Variants in EDA observed in about 807,000 individuals in gnomAD.
The protein encoded by EDA is ectodysplasin-A.
In EDA, 2 loss-of-function variants were observed where a neutral mutation model predicts 23.6. That is an observed-to-expected ratio of 0.08 (90% confidence interval 0.03 to 0.27). EDA has a LOEUF of 0.27. EDA is among the 10% of genes least tolerant of loss of function. The probability of loss-of-function intolerance (pLI) is 1.00; values close to 1 mark genes in which losing one functional copy is unlikely to be tolerated. For synonymous variants in EDA, 131 were observed against 132.0 expected (o/e 0.99, Z 0.05); for missense variants, 229 against 324.2 (o/e 0.71, Z 2.26).
At chrX:69,909,871 T>C (rs2018232947) in intron 1 of EDA, among the ~76,000 whole-genome samples, 1 of 112,160 alleles carries the variant, frequency 8.9e-6, no homozygotes, top group African/African-American at 3.2e-5. Context: ...TAAATGACTA[T>C]GGATTTATCT....
In EDA at chrX:69,616,364, A is replaced by C. The variant is rs752730106; in HGVS notation, c.56A>C (p.Glu19Ala). 38 of 1,206,268 alleles carry C rather than the reference A, an allele frequency of 3.2e-5. No homozygotes were observed. The highest frequency in any genetic ancestry group is 4.0e-5 in the Non-Finnish European group (36 of 894,455). The part of the protein sequence containing the change: ...RELLPAAAPR[E>A]RGSQGCGCGG... ...CTCCTGCCTGCAGCAGCGCCGCGGG[A>C]GCGAGGGAGCCAGGGCTGCGGGTGT... The change falls in exon 1 of 8, where the codon GAG (glutamate) becomes GCG (alanine). Residue 19 changes from glutamate to alanine, a missense_variant. Transcript: ENST00000374552.
intron 1 of EDA, among the ~76,000 whole-genome samples, chrX:69,831,938 C>A (rs1362741345): frequency 2.7e-5 from 3 of 111,176 alleles, no homozygotes; most frequent in Non-Finnish European, 1.9e-5. Context: ...TGGATATTAG[C>A]CCTTTGTCAG....
chrX:69,835,023 A>G (rs1256538074), intron 1 of EDA, among the ~76,000 whole-genome samples: 3 of 77,349 alleles, frequency 3.9e-5, no homozygotes, highest in Non-Finnish European at 8.9e-5. Context: ...CTTTTCTTTA[A>G]GAATGTTAAA....
intron 1 of EDA, among the ~76,000 whole-genome samples, chrX:69,786,124 G>A (rs1352253276): frequency 9.1e-6 from 1 of 109,671 alleles, no homozygotes; most frequent in Admixed American, 9.7e-5. Context: ...GTATTTCTGT[G>A]GGATCAGTGG....
intron 1 of EDA, among the ~76,000 whole-genome samples, chrX:69,784,329 C>T (rs11094127): frequency 1.9e-5 from 2 of 102,718 alleles, no homozygotes; most frequent in African/African-American, 3.6e-5. Context: ...TCTTTTGTTG[C>T]CATTGCTTTT....
chrX:69,987,294 A>G (rs2019510579), intron 2 of EDA, among the ~76,000 whole-genome samples: 1 of 105,166 alleles, frequency 9.5e-6, no homozygotes, highest in Non-Finnish European at 1.9e-5. Context: ...AAAATTAAAA[A>G]AAAAAATTTT....
intron 1 of EDA, among the ~76,000 whole-genome samples, chrX:69,890,069 C>T (rs952577944): frequency 2.7e-5 from 3 of 111,475 alleles, no homozygotes; most frequent in African/African-American, 9.8e-5. Flanking sequence ...GCCTTGACAT[C>T]CTCCTTCTTT....
intron 1 of EDA, among the ~76,000 whole-genome samples, chrX:69,865,462 G>T (rs779078242): frequency 5.4e-5 from 6 of 111,242 alleles, no homozygotes; most frequent in African/African-American, 1.6e-4. Flanking sequence ...ACGAGAGAAA[G>T]ATGTAGACTG....
chrX:69,897,846 A>G (rs2018041364), intron 1 of EDA, among the ~76,000 whole-genome samples: 1 of 111,810 alleles, frequency 8.9e-6, no homozygotes. Context: ...ACAGACAGAA[A>G]CACTGGGAAG....
intron 1 of EDA, among the ~76,000 whole-genome samples, chrX:69,954,019 TTG>T (rs1288033946): frequency 1.8e-5 from 2 of 111,618 alleles, no homozygotes; most frequent in African/African-American, 6.5e-5. Flanking sequence ...TGCTTAAAAT[TTG>T]TGCATTTTAT....
At chrX:69,733,784 G>C (rs2013142526) in intron 1 of EDA, among the ~76,000 whole-genome samples, 1 of 111,340 alleles carries the variant, frequency 9.0e-6, no homozygotes, top group African/African-American at 3.3e-5. Context: ...TCACTGAGCA[G>C]TGGTTTGTCG....
intron 1 of EDA, among the ~76,000 whole-genome samples, chrX:69,853,807 G>C (rs1466909540): frequency 8.9e-6 from 1 of 111,819 alleles, no homozygotes; most frequent in Non-Finnish European, 1.9e-5. Context: ...TTTAGGCTTT[G>C]CGGGCCATGT....
intron 1 of EDA, among the ~76,000 whole-genome samples, chrX:69,631,990 T>C: frequency 8.9e-6 from 1 of 112,057 alleles, no homozygotes; most frequent in East Asian, 2.8e-4. Flanking sequence ...CTATATATCC[T>C]CTTATGACAG....
chrX:69,888,512 TAA>T (rs775696765), intron 1 of EDA, among the ~76,000 whole-genome samples: 12 of 95,233 alleles, frequency 1.3e-4, no homozygotes, highest in Admixed American at 1.2e-4. Context: ...CGAATGGATT[TAA>T]AAAAAAAAAA....
chrX:69,654,732 G>A (rs1229481801), intron 1 of EDA, among the ~76,000 whole-genome samples: 1 of 101,681 alleles, frequency 9.8e-6, no homozygotes, highest in Non-Finnish European at 2.0e-5. Context: ...TCACTCATAG[G>A]TGGGAATTGA....
At position 69,781,405 on chromosome X, in the gene EDA, TTTCTGTCTGTAAATA is replaced by T. The variant is rs765055690; in HGVS notation, c.396+164702_396+164716del. Among the ~76,000 whole-genome samples the T allele has an allele frequency of 3.8e-4, 42 of 111,819 alleles. No homozygotes were observed. The South Asian group carries it at 0.016, about 42-fold the overall frequency. On this transcript the variant is annotated intron_variant, in intron 1 of 7. Coordinates refer to ENST00000374552, the MANE Select transcript of EDA (RefSeq NM_001399.5). ...TCATCACAACCTCACCAATACTTAT[TTTCTGTCTGTAAATA>T]AAGTTTTATTGGAACACCACCACAT... is the stretch of plus-strand genomic sequence containing the variant.
At chrX:69,797,861 G>A (rs2015579587) in intron 1 of EDA, among the ~76,000 whole-genome samples, 2 of 111,602 alleles carry the variant, frequency 1.8e-5, no homozygotes, top group African/African-American at 6.5e-5. Context: ...CCACATAAAA[G>A]ATATAGACTG....
intron 1 of EDA, among the ~76,000 whole-genome samples, chrX:69,849,082 TACACACACACACACACACAC>T (rs370800783): frequency 1.4e-4 from 8 of 57,002 alleles, no homozygotes; most frequent in South Asian, 8.7e-4. Flanking sequence ...AAAGTCTATA[TACACACACACACACACACAC>T]ACACACACAC....
chrX:69,753,605 G>C (rs2013980896), intron 1 of EDA, among the ~76,000 whole-genome samples: 1 of 111,782 alleles, frequency 8.9e-6, no homozygotes. Context: ...GCTTGGTGCA[G>C]AGCTGAATTC....
Sources: allele counts gnomAD v4.1 joint callset (sites outside exome capture counted in the v4.1 genomes callset), GRCh38; gene constraint gnomAD v4.1.1; transcripts MANE v1.5; gene names NCBI Gene and HGNC (gene_info 2026-07-23, HGNC 2026-07-21).